SH3RF3: variants seen among roughly 807,000 people sequenced by gnomAD.
SH3RF3 encodes E3 ubiquitin-protein ligase SH3RF3.
In SH3RF3, 29 loss-of-function variants were observed where a neutral mutation model predicts 66.3. That is an observed-to-expected ratio of 0.44 (90% CI 0.33 to 0.60). SH3RF3 has a LOEUF of 0.60. Ranked by LOEUF, SH3RF3 falls within the 20% of genes least tolerant of loss-of-function variation. The probability of loss-of-function intolerance (pLI) is 0.04; values close to 1 mark genes in which losing one functional copy is unlikely to be tolerated. For missense variants in SH3RF3, 1,194 were observed against 1,190.9 expected, an observed-to-expected ratio of 1.00 and a Z score of -0.04; for synonymous variants, 583 against 532.0, an observed-to-expected ratio of 1.10 and a Z score of -1.32.
chr2:109,271,937 T>A (rs1680637040), intron 1 of SH3RF3, among the ~76,000 whole-genome samples: 1 of 152,242 alleles, frequency 6.6e-6, no homozygotes, highest in Non-Finnish European at 1.5e-5. Context: ...TGGATCCTCC[T>A]TTGTGTGTGT....
chr2:109,371,305 G>C (rs983218501), intron 2 of SH3RF3, among the ~76,000 whole-genome samples: 1 of 152,198 alleles, frequency 6.6e-6, no homozygotes. Flanking sequence ...CAGGAGAATC[G>C]CTTGAACCCC....
At chr2:109,415,832 G>A (rs1240240171) in intron 4 of SH3RF3, among the ~76,000 whole-genome samples, 1 of 152,158 alleles carries the variant, frequency 6.6e-6, no homozygotes. Flanking sequence ...TGTCCCCTCT[G>A]AAATTCATGT....
At chr2:109,263,393 T>G in intron 1 of SH3RF3, among the ~76,000 whole-genome samples, 1 of 152,378 alleles carries the variant, frequency 6.6e-6, no homozygotes, top group Middle Eastern at 3.4e-3. Flanking sequence ...TCTTTATTTT[T>G]TATAGGTAGC....
intron 8 of SH3RF3, among the ~76,000 whole-genome samples, chr2:109,476,232 C>A (rs761430657): frequency 6.6e-6 from 1 of 152,214 alleles, no homozygotes; most frequent in South Asian, 2.1e-4. Context: ...ACCAGGCCTG[C>A]TAGCACCCAC....
chr2:109,290,113 C>T (rs1276217355), intron 1 of SH3RF3, among the ~76,000 whole-genome samples: 2 of 152,194 alleles, frequency 1.3e-5, no homozygotes, highest in Non-Finnish European at 2.9e-5. Context: ...GTGGACCACA[C>T]TTTGATTACC....
chr2:109,377,897 G>A (rs1210340095), intron 3 of SH3RF3, among the ~76,000 whole-genome samples: 2 of 152,190 alleles, frequency 1.3e-5, no homozygotes, highest in Non-Finnish European at 2.9e-5. Flanking sequence ...GACGTTTGGT[G>A]GTGACTTAAA....
Position 109,449,376 on chromosome 2 carries a change from A to T in SH3RF3, c.2035A>T (p.Asn679Tyr). ...TSAASAITPP[N>Y]VSAANLNGEA... Reference sequence around the variant, plus strand: ...AGCAGCATCAGCCATCACACCTCCCAACGTCAGTGCCGCAAACCTCAACGG... The same window carrying T: ...AGCAGCATCAGCCATCACACCTCCCTACGTCAGTGCCGCAAACCTCAACGG... The change falls in exon 8 of 10, where the codon AAC becomes TAC. Residue 679 changes from asparagine to tyrosine, a missense_variant. Transcript: ENST00000309415. 2 of 1,611,060 alleles carry T rather than the reference A, an allele frequency of 1.2e-6. No individual in the cohort carries two copies. The highest frequency in any genetic ancestry group is 1.7e-6 in the Non-Finnish European group (2 of 1,178,494).
intron 5 of SH3RF3, among the ~76,000 whole-genome samples, chr2:109,428,457 G>A (rs1175158294): frequency 1.3e-5 from 2 of 152,194 alleles, no homozygotes; most frequent in South Asian, 2.1e-4. Context: ...TGGGTCAGCC[G>A]AGTCGGCCCA....
intron 8 of SH3RF3, among the ~76,000 whole-genome samples, chr2:109,468,333 A>T (rs1035299528): frequency 2.0e-5 from 3 of 152,204 alleles, no homozygotes; most frequent in African/African-American, 7.2e-5. Flanking sequence ...TAGGAAGGGG[A>T]ATGCGTTGCA....
At chr2:109,456,190 G>A (rs893240449) in intron 8 of SH3RF3, among the ~76,000 whole-genome samples, 1 of 152,206 alleles carries the variant, frequency 6.6e-6, no homozygotes, top group East Asian at 1.9e-4. Flanking sequence ...GGCCACTTGT[G>A]CCTGGCAGCT....
chr2:109,408,252 G>A (rs1025479793), intron 4 of SH3RF3, among the ~76,000 whole-genome samples: 1 of 152,144 alleles, frequency 6.6e-6, no homozygotes, highest in South Asian at 2.1e-4. Flanking sequence ...AAGGAGGAAG[G>A]GCCTCGATCA....
intron 1 of SH3RF3, among the ~76,000 whole-genome samples, chr2:109,346,856 G>A (rs970135407): frequency 2.0e-5 from 3 of 152,214 alleles, no homozygotes; most frequent in Admixed American, 6.5e-5. Context: ...ACAGTCTTAT[G>A]CCCTTGAACA....
chr2:109,152,614 T>G (rs994725982), intron 1 of SH3RF3, among the ~76,000 whole-genome samples: 1 of 152,276 alleles, frequency 6.6e-6, no homozygotes, highest in African/African-American at 2.4e-5. Context: ...TATTTAAAGC[T>G]GTGGGGATTA....
chr2:109,199,639 G>A (rs1209653280), intron 1 of SH3RF3, among the ~76,000 whole-genome samples: 1 of 34 alleles, frequency 0.029, no homozygotes, highest in Admixed American at 0.12. Context: ...GAATGGAATG[G>A]AATGGAATGG....
chr2:109,474,127 C>G (rs1678608936), intron 8 of SH3RF3, among the ~76,000 whole-genome samples: 1 of 152,078 alleles, frequency 6.6e-6, no homozygotes, highest in Admixed American at 6.5e-5. Context: ...GGCAGGTGTT[C>G]AGAAGACGCA....
At chr2:109,318,792 G>A (rs750313729) in intron 1 of SH3RF3, among the ~76,000 whole-genome samples, 2 of 152,174 alleles carry the variant, frequency 1.3e-5, no homozygotes, top group African/African-American at 4.8e-5. Flanking sequence ...CAGCCCTGAC[G>A]AGCTCTGGCC....
chr2:109,486,675 A>G (rs987874108), intron 8 of SH3RF3, among the ~76,000 whole-genome samples: 1 of 152,174 alleles, frequency 6.6e-6, no homozygotes, highest in Middle Eastern at 3.4e-3. Context: ...GGCCTTCACC[A>G]CACCTGCAGA....
intron 8 of SH3RF3, among the ~76,000 whole-genome samples, chr2:109,455,810 C>T (rs1274694311): frequency 6.6e-6 from 1 of 152,228 alleles, no homozygotes; most frequent in Non-Finnish European, 1.5e-5. Flanking sequence ...TTTACCAGTG[C>T]CATTCACTTC....
chr2:109,251,404 G>A (rs1005874218), intron 1 of SH3RF3: 1 of 692,234 alleles, frequency 1.4e-6, no homozygotes, highest in South Asian at 1.4e-5. Flanking sequence ...GCATCTGTGA[G>A]TGCATGGAGT....
Sources: gnomAD v4.1 joint callset for allele counts (sites outside exome capture counted in the v4.1 genomes callset) on GRCh38, gnomAD v4.1.1 for gene constraint, MANE v1.5 for transcripts, NCBI Gene and HGNC (gene_info 2026-07-23, HGNC 2026-07-21) for gene names.